The following MLLT10 variants were observed in gnomAD, a reference collection of about 807,000 sequenced individuals.
The protein encoded by MLLT10 is protein AF-10.
Under a neutral mutation model 129.1 loss-of-function variants are expected in MLLT10, and 30 were observed. The ratio of observed to expected loss-of-function variants is 0.23; its 90% CI spans 0.17 to 0.32. MLLT10 has a LOEUF of 0.32. Ranked by LOEUF, MLLT10 falls within the 10% of genes least tolerant of loss-of-function variation. The probability of loss-of-function intolerance (pLI) is 1.00; values close to 1 mark genes in which losing one functional copy is unlikely to be tolerated. For synonymous variants in MLLT10, 490 were observed against 446.4 expected, an observed-to-expected ratio of 1.10 and a Z score of -1.23; for missense variants, 1,119 against 1,268.3, an observed-to-expected ratio of 0.88 and a Z score of 1.79.
intron 9 of MLLT10, among the ~76,000 whole-genome samples, chr10:21,655,694 G>A (rs766433466): frequency 6.6e-6 from 1 of 152,138 alleles, no homozygotes; most frequent in Non-Finnish European, 1.5e-5. Context: ...AAAGGTTTTA[G>A]AGAGTTGTAG....
intron 8 of MLLT10, among the ~76,000 whole-genome samples, chr10:21,626,977 T>A (rs889667382): frequency 3.9e-5 from 6 of 152,136 alleles, no homozygotes; most frequent in African/African-American, 1.4e-4. Context: ...TATGAAGAAT[T>A]TATAAGCAGT....
chr10:21,653,309 T>C lies in MLLT10; in HGVS notation c.795+1541T>C, dbSNP rs116510106. 3.6e-3 allele frequency among the ~76,000 whole-genome samples: 553 copies of C among 152,266 alleles called. 4 individuals are homozygous for C. Among genetic ancestry groups the C allele is most frequent in the African/African-American group, 0.013 (521 of 41,566 alleles). ...CTGCTTATATGCTTGGTCAGGTTATTGGCAAAATTTGGTTCCTTGTGATTG... is the reference window on the plus strand; with the variant it reads ...CTGCTTATATGCTTGGTCAGGTTATCGGCAAAATTTGGTTCCTTGTGATTG... On this transcript the variant is annotated intron_variant, in intron 9 of 22. Coordinates refer to ENST00000307729, the MANE Select transcript of MLLT10 (RefSeq NM_001195626.3).
At chr10:21,695,451 C>A (rs1434835081) in intron 13 of MLLT10, among the ~76,000 whole-genome samples, 2 of 152,156 alleles carry the variant, frequency 1.3e-5, no homozygotes, top group African/African-American at 4.8e-5. Context: ...TAGCAAACAC[C>A]AACCTGTCTT....
At chr10:21,721,242 TTGAAGTA>T (rs1415858527) in intron 14 of MLLT10, among the ~76,000 whole-genome samples, 1 of 152,198 alleles carries the variant, frequency 6.6e-6, no homozygotes, top group Non-Finnish European at 1.5e-5. Flanking sequence ...TCCTGTATGA[TTGAAGTA>T]TGAAGTTTCA....
intron 3 of MLLT10, among the ~76,000 whole-genome samples, chr10:21,553,597 G>A (rs1479056843): frequency 6.6e-6 from 1 of 151,498 alleles, no homozygotes; most frequent in East Asian, 1.9e-4. Flanking sequence ...AAAGAGTTGG[G>A]ATACAGACAT....
chr10:21,583,238 A>G (rs2041654334), intron 3 of MLLT10, among the ~76,000 whole-genome samples: 1 of 152,196 alleles, frequency 6.6e-6, no homozygotes, highest in African/African-American at 2.4e-5. Flanking sequence ...GACAGATACA[A>G]ATAGATAAAA....
chr10:21,642,428 G>A (rs542632532), intron 8 of MLLT10, among the ~76,000 whole-genome samples: 2 of 152,220 alleles, frequency 1.3e-5, no homozygotes, highest in Non-Finnish European at 2.9e-5. Flanking sequence ...AGGCTGAGGC[G>A]GGCAGATTAC....
At chr10:21,600,171 C>T (rs2043388567) in intron 5 of MLLT10, among the ~76,000 whole-genome samples, 1 of 152,042 alleles carries the variant, frequency 6.6e-6, no homozygotes, top group African/African-American at 2.4e-5. Flanking sequence ...TTTATCCTGG[C>T]ACCACACACA....
intron 8 of MLLT10, among the ~76,000 whole-genome samples, chr10:21,631,326 A>AG (rs1442644314): frequency 3.6e-4 from 55 of 151,312 alleles, no homozygotes; most frequent in African/African-American, 1.2e-3. Context: ...AAAAAAAAAA[A>AG]AAAAAAAAAG....
At chr10:21,595,674 C>T (rs1003699699) in intron 5 of MLLT10, 7 of 385,216 alleles carry the variant, frequency 1.8e-5, no homozygotes, top group African/African-American at 8.1e-5. Flanking sequence ...TAGTATTCTA[C>T]GATATACAGG....
intron 3 of MLLT10, among the ~76,000 whole-genome samples, chr10:21,542,035 G>T (rs1010554627): frequency 6.6e-6 from 1 of 152,076 alleles, no homozygotes. Context: ...GCAGTGGAAC[G>T]TATGGTTTAT....
intron 8 of MLLT10, among the ~76,000 whole-genome samples, chr10:21,646,168 C>T (rs905969875): frequency 6.6e-6 from 1 of 152,042 alleles, no homozygotes. Flanking sequence ...ATCACACCAC[C>T]GCACTACAGC....
At position 21,730,927 on chromosome 10, in the gene MLLT10, C is replaced by A. The variant is rs1346353320; in HGVS notation, c.2091C>A (p.Arg697=). 1.2e-6 allele frequency: 2 copies of A among 1,614,172 alleles called. No homozygotes were observed. Among genetic ancestry groups the A allele is most frequent in the Non-Finnish European group, 1.7e-6 (2 of 1,180,042 alleles). ...CCCCTGTAAGCAGCTTACAGATTCG[C>A]TATGATCAACCAGGCAACAGCAGTT... ...PRSPVSSLQI[R]YDQPGNSSLE... The change falls in exon 17 of 23, where the codon CGC becomes CGA. Residue 697 remains arginine (R), a synonymous_variant. Coordinates refer to ENST00000307729, the MANE Select transcript of MLLT10 (RefSeq NM_001195626.3).
intron 3 of MLLT10, among the ~76,000 whole-genome samples, chr10:21,583,211 T>A (rs1250499336): frequency 6.6e-6 from 1 of 152,152 alleles, no homozygotes; most frequent in African/African-American, 2.4e-5. Flanking sequence ...ATATAGAGTT[T>A]TATACCTGAA....
At chr10:21,741,151 GCTTT>G (rs1241774143) in intron 22 of MLLT10, among the ~76,000 whole-genome samples, 2 of 152,202 alleles carry the variant, frequency 1.3e-5, no homozygotes, top group East Asian at 1.9e-4. Context: ...ACTCTTCAGT[GCTTT>G]CTGTCTGCCC....
rs770066300 is a variant in MLLT10 at position 21,735,235 on chromosome 10, A to G, written c.2955A>G (p.Pro985=). The change falls in exon 21 of 23, where the codon CCA becomes CCG. Residue 985 remains proline (P), a splice_region_variant and synonymous_variant. Coordinates refer to ENST00000307729, the MANE Select transcript of MLLT10 (RefSeq NM_001195626.3). The part of the protein sequence containing the change: ...QQLLNSQQLT[P]EQHQAFLYQL... ...TGTTAAATTCTCAACAGCTCACACCAGTAAGTTCTTTCTTTTGATAATATC... is the reference window on the plus strand; with the variant it reads ...TGTTAAATTCTCAACAGCTCACACCGGTAAGTTCTTTCTTTTGATAATATC... The G allele has an allele frequency of 5.6e-6, 9 of 1,605,492 alleles. No individual in the cohort carries two copies. Among genetic ancestry groups the G allele is most frequent in the Middle Eastern group, 3.3e-4 (2 of 6,058 alleles).
chr10:21,559,802 A>G (rs1338171281), intron 3 of MLLT10, among the ~76,000 whole-genome samples: 1 of 152,232 alleles, frequency 6.6e-6, no homozygotes, highest in South Asian at 2.1e-4. Flanking sequence ...ATAGCTGAAT[A>G]CTACATAATC....
At chr10:21,691,819 T>C (rs1213466900) in intron 13 of MLLT10, among the ~76,000 whole-genome samples, 3 of 151,710 alleles carry the variant, frequency 2.0e-5, no homozygotes, top group African/African-American at 7.3e-5. Flanking sequence ...AATGGGTAAA[T>C]CAGATGAAGA....
intron 4 of MLLT10, among the ~76,000 whole-genome samples, chr10:21,590,296 C>T (rs2042374987): frequency 6.6e-6 from 1 of 151,968 alleles, no homozygotes; most frequent in South Asian, 2.1e-4. Context: ...AGAAATTTAA[C>T]TACTTTGTAT....
Sources: allele counts gnomAD v4.1 joint callset (sites outside exome capture counted in the v4.1 genomes callset), GRCh38; gene constraint gnomAD v4.1.1; transcripts MANE v1.5; gene names NCBI Gene and HGNC (gene_info 2026-07-23, HGNC 2026-07-21).